The following UNC5D variants were observed in gnomAD, a reference collection of about 807,000 sequenced individuals.
The protein encoded by UNC5D is netrin receptor UNC5D.
UNC5D carries 39 observed loss-of-function variants against 105.4 expected under a neutral mutation model. The ratio of observed to expected loss-of-function variants is 0.37; its 90% CI spans 0.29 to 0.48. UNC5D has a LOEUF of 0.48. Among genes scored for constraint, UNC5D ranks in the 20% least tolerant of loss-of-function variants. UNC5D has a pLI of 0.98. For missense variants in UNC5D, 991 were observed against 1,202.4 expected (o/e 0.82, Z 2.60); for synonymous variants, 452 against 450.4 (o/e 1.00, Z -0.04).
At chr8:35,301,699 T>C (rs981376249) in intron 1 of UNC5D, among the ~76,000 whole-genome samples, 4 of 152,208 alleles carry the variant, frequency 2.6e-5, no homozygotes, top group African/African-American at 9.7e-5. Flanking sequence ...GGTTAGGTTG[T>C]TGCAGTTTGT....
chr8:35,527,687 C>G (rs891287864), intron 1 of UNC5D, among the ~76,000 whole-genome samples: 9 of 152,080 alleles, frequency 5.9e-5, no homozygotes, highest in African/African-American at 1.9e-4. Flanking sequence ...GGACTACAGG[C>G]ATATACTACC....
chr8:35,345,405 A>G (rs373659603), intron 1 of UNC5D, among the ~76,000 whole-genome samples: 2 of 152,064 alleles, frequency 1.3e-5, no homozygotes, highest in South Asian at 2.1e-4. Context: ...AAAGTATCCT[A>G]CTGTGTGGTT....
At chr8:35,586,534 G>A (rs981778950) in intron 3 of UNC5D, among the ~76,000 whole-genome samples, 3 of 152,162 alleles carry the variant, frequency 2.0e-5, no homozygotes, top group Admixed American at 2.0e-4. Flanking sequence ...TTGCTGGCAT[G>A]CACCCATCCT....
Position 35,535,366 on chromosome 8 carries a change from CAAT to C in UNC5D, c.104-13925_104-13923del, listed in dbSNP as rs1310637445. Among the ~76,000 whole-genome samples the C allele has an allele frequency of 8.6e-5, 13 of 151,816 alleles. No homozygotes were observed. In the East Asian group the frequency reaches 2.5e-3, roughly 30 times the overall value. ...ATGCATACCAGGCTTCACCTCAGTA[CAAT>C]TAAGCTGATTAGGTAGTACTAAACA... On this transcript the variant is annotated intron_variant, in intron 1 of 16. Coordinates refer to ENST00000404895, the MANE Select transcript of UNC5D (RefSeq NM_080872.4).
chr8:35,513,223 CTTTTT>C (rs35988823), intron 1 of UNC5D, among the ~76,000 whole-genome samples: 1 of 134,142 alleles, frequency 7.5e-6, no homozygotes, highest in Non-Finnish European at 1.6e-5. Context: ...TTGGACCCTC[CTTTTT>C]TTTTTTTTTT....
intron 4 of UNC5D, among the ~76,000 whole-genome samples, chr8:35,683,054 C>A (rs532183692): frequency 1.3e-5 from 2 of 152,314 alleles, no homozygotes; most frequent in South Asian, 4.1e-4. Context: ...ATTACTTTAG[C>A]CTTGGTACAA....
chr8:35,736,755 C>T (rs1356860597), intron 11 of UNC5D, among the ~76,000 whole-genome samples: 1 of 152,130 alleles, frequency 6.6e-6, no homozygotes, highest in East Asian at 1.9e-4. Flanking sequence ...TGTTCAAAGG[C>T]ACAGAGGTAT....
At chr8:35,447,344 G>A (rs987085875) in intron 1 of UNC5D, among the ~76,000 whole-genome samples, 1 of 151,952 alleles carries the variant, frequency 6.6e-6, no homozygotes, top group African/African-American at 2.4e-5. Context: ...TTTGTCCAAG[G>A]ACAAATGGCT....
intron 1 of UNC5D, among the ~76,000 whole-genome samples, chr8:35,381,039 G>C (rs1418210864): frequency 6.6e-6 from 1 of 151,988 alleles, no homozygotes; most frequent in African/African-American, 2.4e-5. Context: ...GAGGGAGAGA[G>C]AGAAAGAGAG....
chr8:35,601,386 T>C lies in UNC5D; in HGVS notation c.570+5729T>C, dbSNP rs573020414. On this transcript the variant is annotated intron_variant, in intron 4 of 16. Coordinates refer to ENST00000404895, the MANE Select transcript of UNC5D (RefSeq NM_080872.4). Reference sequence around the variant, plus strand: ...AAGGCAGTGAATCTATAAATTACCTTGGGCAGTATGGCCATTTTCATGATA... The same window carrying C: ...AAGGCAGTGAATCTATAAATTACCTCGGGCAGTATGGCCATTTTCATGATA... Among the ~76,000 whole-genome samples the C allele has an allele frequency of 9.2e-5, 14 of 152,344 alleles. No homozygotes were observed. In the East Asian group the frequency reaches 2.5e-3, roughly 27 times the overall value.
chr8:35,566,126 CAG>C (rs956644149), intron 2 of UNC5D, among the ~76,000 whole-genome samples: 13 of 152,160 alleles, frequency 8.5e-5, no homozygotes, highest in African/African-American at 1.9e-4. Flanking sequence ...CTTTCACAAA[CAG>C]GGGAAATGTG....
At chr8:35,684,330 A>C (rs558901963) in intron 5 of UNC5D, among the ~76,000 whole-genome samples, 1 of 152,252 alleles carries the variant, frequency 6.6e-6, no homozygotes, top group South Asian at 2.1e-4. Flanking sequence ...TTTATTGATG[A>C]GTTCTTTCTA....
At chr8:35,346,891 C>T (rs530339676) in intron 1 of UNC5D, among the ~76,000 whole-genome samples, 2 of 152,016 alleles carry the variant, frequency 1.3e-5, no homozygotes, top group African/African-American at 2.4e-5. Flanking sequence ...TTGGCATTCA[C>T]GTAATGATTT....
chr8:35,271,288 T>C (rs1325717894), intron 1 of UNC5D, among the ~76,000 whole-genome samples: 1 of 126,554 alleles, frequency 7.9e-6, no homozygotes, highest in African/African-American at 3.3e-5. Context: ...TGTGTGTATG[T>C]ATATGTATAC....
At chr8:35,275,878 A>T (rs1805741181) in intron 1 of UNC5D, among the ~76,000 whole-genome samples, 1 of 152,166 alleles carries the variant, frequency 6.6e-6, no homozygotes, top group Non-Finnish European at 1.5e-5. Flanking sequence ...TTCTCATCAC[A>T]CCAAGACCTT....
At chr8:35,634,644 A>G (rs1039022233) in intron 4 of UNC5D, among the ~76,000 whole-genome samples, 13 of 150,006 alleles carry the variant, frequency 8.7e-5, no homozygotes, top group Non-Finnish European at 1.3e-4. Context: ...GCAGGGGGGA[A>G]AAAACAGACA....
intron 4 of UNC5D, among the ~76,000 whole-genome samples, chr8:35,620,120 C>T (rs1016029976): frequency 6.6e-6 from 1 of 152,174 alleles, no homozygotes; most frequent in African/African-American, 2.4e-5. Context: ...CATCCCTTCA[C>T]CTCTGTATTC....
chr8:35,290,819 G>A (rs200025835), intron 1 of UNC5D, among the ~76,000 whole-genome samples: 8 of 151,726 alleles, frequency 5.3e-5, no homozygotes, highest in South Asian at 2.1e-4. Flanking sequence ...GTGGTAGTGC[G>A]TGCCTGTAAT....
At chr8:35,528,039 G>GTTTTTTTTT (rs398007485) in intron 1 of UNC5D, among the ~76,000 whole-genome samples, 9 of 125,116 alleles carry the variant, frequency 7.2e-5, no homozygotes, top group East Asian at 2.5e-4. Flanking sequence ...GAAACAGCTG[G>GTTTTTTTTT]TTTTTTTTTT....
Sources: gnomAD v4.1 joint callset for allele counts (sites outside exome capture counted in the v4.1 genomes callset) on GRCh38, gnomAD v4.1.1 for gene constraint, MANE v1.5 for transcripts, NCBI Gene and HGNC (gene_info 2026-07-23, HGNC 2026-07-21) for gene names.